NMNAT3: variants seen among roughly 807,000 people sequenced by gnomAD.
NMNAT3 encodes the protein nicotinamide nucleotide adenylyltransferase 3.
NMNAT3 carries 21 observed loss-of-function variants against 24.8 expected under a neutral mutation model. That is an observed-to-expected ratio of 0.85 (90% CI 0.60 to 1.22). NMNAT3 has a LOEUF of 1.22. Ranked by LOEUF, NMNAT3 falls within the 50% of genes most tolerant of loss-of-function variation. The pLI, the probability that NMNAT3 is intolerant of heterozygous loss-of-function variation, is 0.00. For synonymous variants in NMNAT3, 136 were observed against 155.2 expected (o/e 0.88, Z 0.92); for missense variants, 387 against 436.6 (o/e 0.89, Z 1.01).
At chr3:139,611,354 G>C (rs1220204351) in intron 3 of NMNAT3, among the ~76,000 whole-genome samples, 1 of 152,190 alleles carries the variant, frequency 6.6e-6, no homozygotes, top group Non-Finnish European at 1.5e-5. Context: ...GGGCTAGACA[G>C]TTTATGTAGA....
At chr3:139,677,356 T>G (rs962702436) in intron 1 of NMNAT3, among the ~76,000 whole-genome samples, 1 of 152,240 alleles carries the variant, frequency 6.6e-6, no homozygotes, top group African/African-American at 2.4e-5. Context: ...CAGCGGACAC[T>G]GAGTGGAACA....
chr3:139,596,938 ATATATATATATATATATATATATATATT>A (rs1172490979), intron 3 of NMNAT3, among the ~76,000 whole-genome samples: 1 of 104,952 alleles, frequency 9.5e-6, no homozygotes, highest in Non-Finnish European at 1.7e-5. Context: ...ATATATATAT[ATATATATATATATATATATATATATATT>A]TTTATTACAT....
intron 3 of NMNAT3, among the ~76,000 whole-genome samples, chr3:139,610,850 G>A (rs1320953856): frequency 6.6e-6 from 1 of 152,100 alleles, no homozygotes; most frequent in Non-Finnish European, 1.5e-5. Context: ...AAATCACCAA[G>A]GTAGCAAAAG....
rs61733265 is a variant in NMNAT3, at chr3:139,578,991, G to A, written c.456C>T (p.Leu152=). The A allele has an allele frequency of 3.4e-3, 5,441 of 1,614,150 alleles. 136 individuals are homozygous for A. In the African/African-American group the frequency reaches 0.061, roughly 18 times the overall value. Residue 152 remains leucine, a synonymous_variant, in exon 5 of 7, where the codon CTC becomes CTT. Coordinates refer to ENST00000643695, the MANE Select transcript of NMNAT3 (RefSeq NM_001320510.2). ...TGGCCACTCGGTGATGAGAAGCTGC[G>A]AGGTCTTTCTTCCCATAGGTGTCGT...
At chr3:139,575,139 C>T (rs1355694480) in intron 5 of NMNAT3, among the ~76,000 whole-genome samples, 1 of 152,154 alleles carries the variant, frequency 6.6e-6, no homozygotes, top group Non-Finnish European at 1.5e-5. Flanking sequence ...CTTTATATTC[C>T]TAGCACCCAT....
chr3:139,616,326 C>T (rs527415659), intron 3 of NMNAT3, among the ~76,000 whole-genome samples: 2 of 152,282 alleles, frequency 1.3e-5, no homozygotes, highest in East Asian at 3.9e-4. Flanking sequence ...TCTGGTTCCT[C>T]CTATTTCTTG....
intron 3 of NMNAT3, among the ~76,000 whole-genome samples, chr3:139,602,244 G>T (rs1248932129): frequency 1.3e-5 from 2 of 152,174 alleles, no homozygotes. Flanking sequence ...AAATCAGGAA[G>T]CCATTTTCTT....
intron 4 of NMNAT3, among the ~76,000 whole-genome samples, chr3:139,580,374 C>T (rs1336103428): frequency 2.6e-5 from 4 of 152,178 alleles, no homozygotes; most frequent in South Asian, 2.1e-4. Flanking sequence ...CCACCCATCT[C>T]GGCCTCCCAA....
Position 139,578,920 on chromosome 3 carries a change from G to A in NMNAT3, c.527C>T (p.Pro176Leu). The A allele has an allele frequency of 6.2e-7, 1 of 1,614,196 alleles. No homozygotes were observed. The highest frequency in any genetic ancestry group is 1.1e-5 in the South Asian group (1 of 91,082). The stretch of plus-strand genomic sequence containing the variant: ...CCACTGTGCCTGCTCACTCTCCCAA[G>A]GGTCCACCCGGATCCAGTCGGATGT... Residue 176 changes from proline (P) to leucine (L), a missense_variant, in exon 5 of 7, where the codon CCT becomes CTT. Physicochemically the swap from Pro to Leu is moderately conservative, Grantham distance 98 (BLOSUM62 -3). Coordinates refer to ENST00000643695, the MANE Select transcript of NMNAT3 (RefSeq NM_001320510.2).
At chr3:139,596,304 G>A (rs2054457024) in intron 3 of NMNAT3, among the ~76,000 whole-genome samples, 1 of 152,162 alleles carries the variant, frequency 6.6e-6, no homozygotes, top group Non-Finnish European at 1.5e-5. Context: ...TACTGCCTGT[G>A]TAGTTCCAGG....
intron 5 of NMNAT3, among the ~76,000 whole-genome samples, chr3:139,575,268 G>A (rs10935334): frequency 0.33 from 50,525 of 151,938 alleles, 9,239 homozygotes; most frequent in East Asian, 0.59. Context: ...AGTCTTCTTA[G>A]AGCCTGGCTG....
At chr3:139,568,165 T>A (rs1383903880) in intron 6 of NMNAT3, 1 of 152,246 alleles carries the variant, frequency 6.6e-6, no homozygotes, top group African/African-American at 2.4e-5. Flanking sequence ...GTAGTTTGTA[T>A]TTCTGTGGGA....
intron 1 of NMNAT3, among the ~76,000 whole-genome samples, chr3:139,643,564 A>G (rs936881664): frequency 2.0e-5 from 3 of 152,242 alleles, no homozygotes; most frequent in Admixed American, 6.5e-5. Context: ...AAGGAAGGCA[A>G]TTCTGACATA....
chr3:139,607,337 C>A (rs1422454851), intron 3 of NMNAT3, among the ~76,000 whole-genome samples: 1 of 152,138 alleles, frequency 6.6e-6, no homozygotes, highest in Non-Finnish European at 1.5e-5. Flanking sequence ...TAATTCCTTT[C>A]TTCAACTTAA....
chr3:139,667,089 G>C (rs1173726621), intron 1 of NMNAT3, among the ~76,000 whole-genome samples: 1 of 152,192 alleles, frequency 6.6e-6, no homozygotes, highest in Admixed American at 6.5e-5. Context: ...TCAATATGCT[G>C]ATTTCCTTTC....
intron 3 of NMNAT3, among the ~76,000 whole-genome samples, chr3:139,620,666 TAAATAG>T: frequency 6.6e-6 from 1 of 152,300 alleles, no homozygotes; most frequent in Non-Finnish European, 1.5e-5. Flanking sequence ...TTCTCTTGTG[TAAATAG>T]AAATAGAATG....
intron 3 of NMNAT3, chr3:139,584,365 C>A: frequency 6.3e-6 from 1 of 159,978 alleles, no homozygotes. Context: ...AAGGGGAACC[C>A]GTCTAGGCAG....
chr3:139,631,524 T>C (rs1454135518), intron 2 of NMNAT3, among the ~76,000 whole-genome samples: 1 of 152,190 alleles, frequency 6.6e-6, no homozygotes, highest in Non-Finnish European at 1.5e-5. Context: ...AAGCATTTAA[T>C]GGAGGCCAGA....
chr3:139,580,555 G>A (rs1940031795), intron 4 of NMNAT3, among the ~76,000 whole-genome samples: 1 of 152,204 alleles, frequency 6.6e-6, no homozygotes, highest in African/African-American at 2.4e-5. Flanking sequence ...ACATAAGAGA[G>A]AGCAGTGGTG....
Sources: allele counts gnomAD v4.1 joint callset (sites outside exome capture counted in the v4.1 genomes callset), GRCh38; gene constraint gnomAD v4.1.1; transcripts MANE v1.5; gene names NCBI Gene and HGNC (gene_info 2026-07-23, HGNC 2026-07-21).